Variants in TTYH1 observed in about 807,000 individuals in gnomAD.
The protein encoded by TTYH1 is protein tweety homolog 1.
A neutral mutation model predicts 61.2 loss-of-function variants in TTYH1; 33 were observed. That is an observed-to-expected ratio of 0.54 (90% CI 0.41 to 0.72). The LOEUF is 0.72. Among genes scored for constraint, TTYH1 ranks in the 30% least tolerant of loss-of-function variants. TTYH1 has a pLI of 0.00. For missense variants in TTYH1, 538 were observed against 575.8 expected (o/e 0.93, Z 0.67); for synonymous variants, 308 against 266.4 (o/e 1.16, Z -1.52).
Position 54,436,736 on chromosome 19 carries a change from T to G in TTYH1, c.*446T>G. 1 of 298,844 alleles carries G rather than the reference T, an allele frequency of 3.3e-6. No individual in the cohort carries two copies. The highest frequency in any genetic ancestry group is 6.4e-6 in the Non-Finnish European group (1 of 156,524). The allele number at this position is 298,844 out of a possible 1,614,324, so 18.5% of individuals were successfully genotyped here. ...TTACAAGCAGCTGGGTCCTCCTTAT[T>G]TCTCCTCTCCCTTGATTCGGCCTCC... On this transcript the variant is annotated 3_prime_UTR_variant, in exon 14 of 14. Coordinates refer to ENST00000376530, the MANE Select transcript of TTYH1 (RefSeq NM_020659.4). The surrounding 1 kb of genome is among the most constrained non-coding windows in gnomAD (Gnocchi z 4.3).
At position 54,435,873 on chromosome 19, in the gene TTYH1, G is replaced by A. The variant is rs2083538622; in HGVS notation, c.1314G>A (p.Gln438=). 4 of 1,613,966 alleles carry A rather than the reference G, an allele frequency of 2.5e-6. No homozygotes were observed. Among genetic ancestry groups the A allele is most frequent in the Non-Finnish European group, 3.4e-6 (4 of 1,179,970 alleles). ...DTDDDDPFNP[Q]ESKRFVQWQS... is the part of the protein sequence containing the mutation. The stretch of plus-strand genomic sequence containing the variant: ...ACGATGACGACCCTTTCAACCCTCA[G>A]GTACTGGATGCCTGGGTCTGAGGGA... The change falls in exon 12 of 14, where the codon CAG becomes CAA. Residue 438 remains glutamine (Q), a splice_region_variant and synonymous_variant. Transcript: ENST00000376530.
chr19:54,429,402 T>G lies in TTYH1; in HGVS notation c.807+23T>G, dbSNP rs1465671040. ...GTGGTGAGTGCCAGGGCCGGGCCAT[T>G]GGGCTCTGGGACTCAGGGGGCCTGG... On this transcript the variant is annotated intron_variant, in intron 6 of 13. Coordinates refer to ENST00000376530, the MANE Select transcript of TTYH1 (RefSeq NM_020659.4). This position sits in a 1 kb window ranked among gnomAD's most constrained non-coding sequence, Gnocchi z 5.1. 6.2e-7 allele frequency: 1 copy of G among 1,610,342 alleles called. No homozygotes were observed. The highest frequency in any genetic ancestry group is 2.2e-5 in the East Asian group (1 of 44,854).
Position 54,419,332 on chromosome 19 carries a change from C to A in TTYH1, c.305+26C>A. On this transcript the variant is annotated intron_variant, in intron 2 of 13. Coordinates refer to ENST00000376530, the MANE Select transcript of TTYH1 (RefSeq NM_020659.4). This position sits in a 1 kb window ranked among gnomAD's most constrained non-coding sequence, Gnocchi z 6.1. Reference sequence around the variant, plus strand: ...GTAATGGGGCCCCAGGGTGGGTGGGCGGTGGGGACAGGGCTCCCCAAGCTC... The same window carrying A: ...GTAATGGGGCCCCAGGGTGGGTGGGAGGTGGGGACAGGGCTCCCCAAGCTC... The A allele has an allele frequency of 8.4e-7, 1 of 1,191,710 alleles. No homozygotes were observed. Among genetic ancestry groups the A allele is most frequent in the East Asian group, 2.7e-5 (1 of 36,548 alleles). The allele number at this position is 1,191,710 out of a possible 1,614,324, so 73.8% of individuals were successfully genotyped here.
In TTYH1 at chr19:54,415,912, G is replaced by A. The variant is rs759020980; in HGVS notation, c.126+234G>A. The stretch of plus-strand genomic sequence containing the variant: ...GCTCTCTAAATAAGGGAAGGCTGGG[G>A]ACCTGCACCCCTGAGTTCATGGAGA... On this transcript the variant is annotated intron_variant, in intron 1 of 13. Transcript: ENST00000376530. The surrounding 1 kb of genome is among the most constrained non-coding windows in gnomAD (Gnocchi z 5.2). 150 of 811,120 alleles carry A rather than the reference G, an allele frequency of 1.8e-4. No homozygotes were observed. The highest frequency in any genetic ancestry group is 2.6e-4 in the Non-Finnish European group (138 of 527,808). 50.2% of individuals were successfully genotyped at this position (811,120 alleles called of 1,614,324 possible).
In TTYH1 at chr19:54,421,856, A is replaced by G. The variant is rs914493918; in HGVS notation, c.418-334A>G. Among the ~76,000 whole-genome samples, 18 of 152,204 alleles carry G rather than the reference A, an allele frequency of 1.2e-4. No homozygotes were observed. The highest frequency in any genetic ancestry group is 4.3e-4 in the African/African-American group (18 of 41,536). On this transcript the variant is annotated intron_variant, in intron 3 of 13. Coordinates refer to ENST00000376530, the MANE Select transcript of TTYH1 (RefSeq NM_020659.4). This position sits in a 1 kb window ranked among gnomAD's most constrained non-coding sequence, Gnocchi z 4.8. ...CATGTCCAGCTGCAGACTCTAGACC[A>G]TGGGACCCAGACTTGAGACCCCAGA...
At chr19:54,430,736 G>T in intron 8 of TTYH1, 77 bp from the exon 9 acceptor site, 3 of 1,582,520 alleles carry the variant, frequency 1.9e-6, no homozygotes, top group Non-Finnish European at 2.6e-6. Flanking sequence ...GGGCCCGAGT[G>T]CTGTGTCCGG....
intron 4 of TTYH1, among the ~76,000 whole-genome samples, chr19:54,425,015 C>G (rs553302127): frequency 6.6e-6 from 1 of 152,266 alleles, no homozygotes; most frequent in Admixed American, 6.5e-5. Flanking sequence ...GAATCCTGGG[C>G]CCTGCGGTGA....
At position 54,429,450 on chromosome 19, in the gene TTYH1, G is replaced by T. The variant is rs558905609; in HGVS notation, c.807+71G>T. ...TGGAGACTTCAACTTCTGGATCTCG[G>T]GATGGCATGGCTTAGTAGAGAAAGG... On this transcript the variant is annotated intron_variant, in intron 6 of 13. Coordinates refer to ENST00000376530, the MANE Select transcript of TTYH1 (RefSeq NM_020659.4). This position sits in a 1 kb window ranked among gnomAD's most constrained non-coding sequence, Gnocchi z 5.1. 1.4e-5 allele frequency: 19 copies of T among 1,401,574 alleles called. No individual in the cohort carries two copies. The East Asian group carries it at 3.9e-4, about 29-fold the overall frequency. The allele number at this position is 1,401,574 out of a possible 1,614,324, so 86.8% of individuals were successfully genotyped here.
intron 10 of TTYH1, chr19:54,433,166 G>C (rs539086742): frequency 6.6e-6 from 1 of 152,326 alleles, no homozygotes; most frequent in Non-Finnish European, 1.5e-5. Flanking sequence ...GGAAGGAAGA[G>C]GACAGATCAC....
chr19:54,419,362 C>T lies in TTYH1; in HGVS notation c.305+56C>T. ...GGGACAGGGCTCCCCAAGCTCTTTG[C>T]TGGCCTTCCTGGGGGTGTCCTCCGG... On this transcript the variant is annotated intron_variant, in intron 2 of 13. Coordinates refer to ENST00000376530, the MANE Select transcript of TTYH1 (RefSeq NM_020659.4). The surrounding 1 kb of genome is among the most constrained non-coding windows in gnomAD (Gnocchi z 6.1). 6.6e-7 allele frequency: 1 copy of T among 1,526,530 alleles called. No individual in the cohort carries two copies. Among genetic ancestry groups the T allele is most frequent in the Non-Finnish European group, 8.8e-7 (1 of 1,131,164 alleles). The allele number at this position is 1,526,530 out of a possible 1,614,324, so 94.6% of individuals were successfully genotyped here.
In TTYH1 at chr19:54,426,734, G is replaced by T; in HGVS notation, c.700G>T (p.Gly234Cys). 6.2e-7 allele frequency: 1 copy of T among 1,614,014 alleles called. No individual in the cohort carries two copies. The highest frequency in any genetic ancestry group is 8.5e-7 in the Non-Finnish European group (1 of 1,180,022). ...ELLVCLFTLL[G>C]LAKQSKWLVI... ...GCTGGTCTGCCTCTTCACCCTCCTG[G>T]GCCTGGCGAAGCAGAGCAAGTGGCT... Residue 234 changes from glycine to cysteine, a missense_variant, in exon 5 of 14, where the codon GGC (glycine) becomes TGC (cysteine). Coordinates refer to ENST00000376530, the MANE Select transcript of TTYH1 (RefSeq NM_020659.4).
Position 54,419,224 on chromosome 19 carries a change from C to T in TTYH1, c.223C>T (p.Pro75Ser). 1.2e-6 allele frequency: 2 copies of T among 1,610,096 alleles called. No homozygotes were observed. The highest frequency in any genetic ancestry group is 1.7e-5 in the Admixed American group (1 of 60,010). Residue 75 changes from proline to serine, a missense_variant, in exon 2 of 14, where the codon CCC becomes TCC. Coordinates refer to ENST00000376530, the MANE Select transcript of TTYH1 (RefSeq NM_020659.4). This position sits in a 1 kb window ranked among gnomAD's most constrained non-coding sequence, Gnocchi z 6.1. ...CATCCGCTTCTGCTGCTGCCGGCCCCCCGAGCCCCCCGGGTCCAAGATCCC... is the reference window on the plus strand; with the variant it reads ...CATCCGCTTCTGCTGCTGCCGGCCCTCCGAGCCCCCCGGGTCCAAGATCCC... ...YLIRFCCCRP[P>S]EPPGSKIPSP...
rs1431705370 is a variant in TTYH1, at chr19:54,419,442, A to G, written c.305+136A>G. On this transcript the variant is annotated intron_variant, in intron 2 of 13. Coordinates refer to ENST00000376530, the MANE Select transcript of TTYH1 (RefSeq NM_020659.4). This position sits in a 1 kb window ranked among gnomAD's most constrained non-coding sequence, Gnocchi z 6.1. The stretch of plus-strand genomic sequence containing the variant: ...AAACTCCCTCGTCCCTGTCCCTGCC[A>G]TTTGCAAGCCCACTTCAGCGCACAG... The G allele has an allele frequency of 8.6e-6, 8 of 934,136 alleles. No individual in the cohort carries two copies. The Admixed American group carries it at 1.6e-4, about 19-fold the overall frequency. 57.9% of individuals were successfully genotyped at this position (934,136 alleles called of 1,614,324 possible).
chr19:54,423,824 A>G (rs1174617291), intron 4 of TTYH1, among the ~76,000 whole-genome samples: 6 of 152,198 alleles, frequency 3.9e-5, no homozygotes, highest in African/African-American at 1.4e-4. Flanking sequence ...GGACAAACGC[A>G]GAGAAAAACA....
chr19:54,429,233 G>A lies in TTYH1; in HGVS notation c.735-74G>A, dbSNP rs937800989. 7.1e-7 allele frequency: 1 copy of A among 1,399,892 alleles called. No homozygotes were observed. The highest frequency in any genetic ancestry group is 1.0e-6 in the Non-Finnish European group (1 of 988,958). 86.7% of individuals were successfully genotyped at this position (1,399,892 alleles called of 1,614,324 possible). A position where few individuals can be genotyped will look rare whatever the true frequency, so the allele number is the denominator to read the frequency against. The stretch of plus-strand genomic sequence containing the variant: ...GGTGGAGGTGGGGGGCGGCTGTGAT[G>A]GGATTTGGGGTGTGGAAAGAGGCTA... On this transcript the variant is annotated intron_variant, in intron 5 of 13. Coordinates refer to ENST00000376530, the MANE Select transcript of TTYH1 (RefSeq NM_020659.4). The surrounding 1 kb of genome is among the most constrained non-coding windows in gnomAD (Gnocchi z 5.1).
chr19:54,429,945 GGGCTCAGCTCA>G lies in TTYH1; in HGVS notation c.874_883+1del. Reference sequence around the variant, plus strand: ...TCTGAACCTGACCCAGGAGGAGACAGGGCTCAGCTCAGGTGATTTCCAAGGGCCCGGTGGGT... The same window carrying G: ...TCTGAACCTGACCCAGGAGGAGACAGGGTGATTTCCAAGGGCCCGGTGGGT... On this transcript the variant is annotated frameshift_variant and splice_region_variant, in exon 7 of 14. Coordinates refer to ENST00000376530, the MANE Select transcript of TTYH1 (RefSeq NM_020659.4). LOFTEE classifies it high-confidence loss of function. The surrounding 1 kb of genome is among the most constrained non-coding windows in gnomAD (Gnocchi z 5.1). 1 of 1,613,940 alleles carries G rather than the reference GGGCTCAGCTCA, an allele frequency of 6.2e-7. No individual in the cohort carries two copies. Among genetic ancestry groups the G allele is most frequent in the Non-Finnish European group, 8.5e-7 (1 of 1,179,872 alleles).
chr19:54,421,537 C>G lies in TTYH1; in HGVS notation c.417+149C>G. Reference sequence around the variant, plus strand: ...GAACTTCATCCTGAGACCCACAGACCTCAGACTATCCACCCAACCCCCGAC... The same window carrying G: ...GAACTTCATCCTGAGACCCACAGACGTCAGACTATCCACCCAACCCCCGAC... On this transcript the variant is annotated intron_variant, in intron 3 of 13. Coordinates refer to ENST00000376530, the MANE Select transcript of TTYH1 (RefSeq NM_020659.4). This position sits in a 1 kb window ranked among gnomAD's most constrained non-coding sequence, Gnocchi z 4.8. The G allele has an allele frequency of 1.5e-6, 1 of 656,080 alleles. No individual in the cohort carries two copies. Among genetic ancestry groups the G allele is most frequent in the Non-Finnish European group, 2.8e-6 (1 of 362,154 alleles). The allele number at this position is 656,080 out of a possible 1,614,324, so 40.6% of individuals were successfully genotyped here.
rs3745431 is a variant in TTYH1, at chr19:54,419,353, A to G, written c.305+47A>G. The G allele has an allele frequency of 4.0e-4, 617 of 1,556,406 alleles. 6 individuals are homozygous for G. The South Asian group carries it at 5.3e-3, about 13-fold the overall frequency. ...TGGGCGGTGGGGACAGGGCTCCCCA[A>G]GCTCTTTGCTGGCCTTCCTGGGGGT... On this transcript the variant is annotated intron_variant, in intron 2 of 13. Transcript: ENST00000376530. This position sits in a 1 kb window ranked among gnomAD's most constrained non-coding sequence, Gnocchi z 6.1.
At chr19:54,426,927 C>A (rs2083332038) in intron 5 of TTYH1, among the ~76,000 whole-genome samples, 159 bp downstream of exon 5, 1 of 152,104 alleles carries the variant, frequency 6.6e-6, no homozygotes, top group Admixed American at 6.5e-5. Context: ...GAGGCGGGGA[C>A]AGACCTGAAA....
Sources: gnomAD v4.1 joint callset for allele counts (sites outside exome capture counted in the v4.1 genomes callset) on GRCh38, gnomAD v4.1.1 for gene constraint, Gnocchi (gnomAD v3.1) non-coding constraint, MANE v1.5 for transcripts, NCBI Gene and HGNC (gene_info 2026-07-23, HGNC 2026-07-21) for gene names.